The following ADIPOR2 variants were observed in gnomAD, a reference collection of about 807,000 sequenced individuals.
ADIPOR2 encodes adiponectin receptor 2, also known as adiponectin receptor protein 2.
ADIPOR2 carries 18 observed loss-of-function variants against 40.9 expected under a neutral mutation model. The observed-to-expected ratio is 0.44, with a 90% CI of 0.30 to 0.65. The LOEUF is 0.65. Ranked by LOEUF, ADIPOR2 falls within the 30% of genes least tolerant of loss-of-function variation. The pLI is 0.09. For missense variants in ADIPOR2, 283 were observed against 479.2 expected (o/e 0.59, Z 3.82); for synonymous variants, 165 against 166.4 (o/e 0.99, Z 0.06).
chr12:1,739,158 A>G (rs1180781878), intron 1 of ADIPOR2, among the ~76,000 whole-genome samples: 3 of 152,266 alleles, frequency 2.0e-5, no homozygotes, highest in Non-Finnish European at 4.4e-5. Flanking sequence ...TTTACTGTGC[A>G]TCAGGAACAT....
intron 1 of ADIPOR2, among the ~76,000 whole-genome samples, chr12:1,748,180 A>G (rs1188220038): frequency 6.6e-6 from 1 of 151,452 alleles, no homozygotes; most frequent in African/African-American, 2.4e-5. Flanking sequence ...TCTTTTTTGT[A>G]GTTTACATCT....
At chr12:1,743,474 C>A (rs376284844) in intron 1 of ADIPOR2, among the ~76,000 whole-genome samples, 82 of 152,028 alleles carry the variant, frequency 5.4e-4, no homozygotes, top group African/African-American at 1.6e-3. Flanking sequence ...AGTTCAAAAC[C>A]AGCCTGGGCA....
At chr12:1,738,800 C>T (rs918938422) in intron 1 of ADIPOR2, among the ~76,000 whole-genome samples, 6 of 152,252 alleles carry the variant, frequency 3.9e-5, no homozygotes, top group Middle Eastern at 6.8e-3. Flanking sequence ...ATATTTTTCT[C>T]TGTTGTGACT....
At chr12:1,740,976 G>C (rs1275081725) in intron 1 of ADIPOR2, among the ~76,000 whole-genome samples, 1 of 152,224 alleles carries the variant, frequency 6.6e-6, no homozygotes. Context: ...AATGGTAAGG[G>C]ATAGCTAGCT....
intron 1 of ADIPOR2, among the ~76,000 whole-genome samples, chr12:1,748,184 T>G (rs1207176441): frequency 6.6e-6 from 1 of 152,176 alleles, no homozygotes; most frequent in Non-Finnish European, 1.5e-5. Flanking sequence ...TTTTGTAGTT[T>G]ACATCTCTTC....
chr12:1,716,187 CTT>C (rs2154441929), intron 1 of ADIPOR2, among the ~76,000 whole-genome samples: 1 of 152,310 alleles, frequency 6.6e-6, no homozygotes, highest in East Asian at 1.9e-4. Context: ...GTTTTGACGA[CTT>C]TACTATGTGC....
At chr12:1,696,801 A>T (rs2094640001) in intron 1 of ADIPOR2, 1 of 153,592 alleles carries the variant, frequency 6.5e-6, no homozygotes, top group Non-Finnish European at 1.5e-5. Flanking sequence ...AGTAGACAGC[A>T]TCATATTCTT....
At chr12:1,757,256 AGTCTTTT>A (rs1862152224) in intron 2 of ADIPOR2, 1 of 577,714 alleles carries the variant, frequency 1.7e-6, no homozygotes, top group Admixed American at 2.6e-5. Context: ...TTTGGTCGCC[AGTCTTTT>A]GTCTTTCTTT....
At chr12:1,701,657 G>T (rs1282749097) in intron 1 of ADIPOR2, among the ~76,000 whole-genome samples, 3 of 152,034 alleles carry the variant, frequency 2.0e-5, no homozygotes. Flanking sequence ...TTTATCTGCT[G>T]TAAAATTATT....
Position 1,786,252 on chromosome 12 carries a change from T to G in ADIPOR2, c.*180T>G. 1.4e-6 allele frequency: 1 copy of G among 702,832 alleles called. No individual in the cohort carries two copies. Among genetic ancestry groups the G allele is most frequent in the Non-Finnish European group, 2.2e-6 (1 of 452,686 alleles). The allele number at this position is 702,832 out of a possible 1,614,324, so 43.5% of individuals were successfully genotyped here. A position where few individuals can be genotyped will look rare whatever the true frequency, so the allele number is the denominator to read the frequency against. On this transcript the variant is annotated 3_prime_UTR_variant, in exon 8 of 8. Coordinates refer to ENST00000357103, the MANE Select transcript of ADIPOR2 (RefSeq NM_024551.3). ...CTGAGAAGAGAAAAACAAAAATAAA[T>G]CATACCTCAAAGGATGGAGTGCATC... is the stretch of plus-strand genomic sequence containing the variant.
At chr12:1,776,743 T>G (rs1190270805) in intron 3 of ADIPOR2, among the ~76,000 whole-genome samples, 1 of 152,182 alleles carries the variant, frequency 6.6e-6, no homozygotes, top group Admixed American at 6.5e-5. Context: ...GGGCTGAGCT[T>G]CTTTACCATC....
chr12:1,748,452 G>T (rs1359209452), intron 1 of ADIPOR2, among the ~76,000 whole-genome samples: 1 of 151,978 alleles, frequency 6.6e-6, no homozygotes, highest in Non-Finnish European at 1.5e-5. Context: ...GTTTCACCGT[G>T]TTAGCCAGGA....
chr12:1,694,472 A>G (rs2094633836), intron 1 of ADIPOR2, among the ~76,000 whole-genome samples: 1 of 152,224 alleles, frequency 6.6e-6, no homozygotes, highest in African/African-American at 2.4e-5. Flanking sequence ...TAGATTACTT[A>G]TAATACCTAA....
At chr12:1,693,682 C>T (rs1317134386) in intron 1 of ADIPOR2, among the ~76,000 whole-genome samples, 3 of 151,862 alleles carry the variant, frequency 2.0e-5, no homozygotes, top group Admixed American at 1.3e-4. Context: ...TACAGGTGTG[C>T]GCCACCAAGC....
chr12:1,733,190 CA>C (rs758700388), intron 1 of ADIPOR2, among the ~76,000 whole-genome samples: 41 of 152,084 alleles, frequency 2.7e-4, no homozygotes, highest in South Asian at 8.3e-4. Flanking sequence ...TGGTTTTGTT[CA>C]AAAATCACTG....
intron 4 of ADIPOR2, among the ~76,000 whole-genome samples, chr12:1,779,590 T>C (rs1050068250): frequency 6.6e-6 from 1 of 152,126 alleles, no homozygotes; most frequent in Admixed American, 6.5e-5. Context: ...TAGTTAGTGG[T>C]GATGGTTGTA....
chr12:1,759,399 G>A (rs1862221817), intron 2 of ADIPOR2, among the ~76,000 whole-genome samples: 1 of 152,168 alleles, frequency 6.6e-6, no homozygotes, highest in Non-Finnish European at 1.5e-5. Context: ...GTGGAGATTG[G>A]CATTCACATG....
chr12:1,723,370 C>T (rs1463922186), intron 1 of ADIPOR2, among the ~76,000 whole-genome samples: 1 of 151,062 alleles, frequency 6.6e-6, no homozygotes, highest in Non-Finnish European at 1.5e-5. Context: ...TGGCTCATGC[C>T]TGTAATCCCA....
intron 2 of ADIPOR2, among the ~76,000 whole-genome samples, chr12:1,756,904 T>G (rs963332211): frequency 5.3e-5 from 8 of 152,024 alleles, no homozygotes; most frequent in African/African-American, 1.9e-4. Context: ...TGAGCTGAAC[T>G]GAAATGGTAA....
Sources: allele counts gnomAD v4.1 joint callset (sites outside exome capture counted in the v4.1 genomes callset), GRCh38; gene constraint gnomAD v4.1.1; transcripts MANE v1.5; gene names NCBI Gene and HGNC (gene_info 2026-07-23, HGNC 2026-07-21).